The following RFT1 variants were observed in gnomAD, a reference collection of about 807,000 sequenced individuals.
RFT1 encodes the protein man(5)GlcNAc(2)-PP-dolichol translocation protein RFT1.
Under a neutral mutation model 62.2 loss-of-function variants are expected in RFT1, and 43 were observed. The observed-to-expected ratio is 0.69, with a 90% CI of 0.54 to 0.89. The LOEUF is 0.89. RFT1 is among the 40% of genes least tolerant of loss of function. RFT1 has a pLI of 0.00. For missense variants in RFT1, 605 were observed against 649.9 expected (o/e 0.93, Z 0.75); for synonymous variants, 262 against 264.6 (o/e 0.99, Z 0.10).
intron 1 of RFT1, 128 bp downstream of exon 1, chr3:53,130,210 C>A (rs954502064): frequency 1.7e-5 from 16 of 938,348 alleles, no homozygotes; most frequent in South Asian, 1.1e-4. Context: ...TCGACCCCCC[C>A]ACCCCCTCCA....
intron 5 of RFT1, 117 bp downstream of exon 5, chr3:53,121,582 C>G: frequency 2.4e-6 from 2 of 825,212 alleles, no homozygotes; most frequent in South Asian, 2.9e-5. Context: ...TCTGGTGCTT[C>G]CACCTCCTGC....
At chr3:53,121,830 C>G (rs1481849846) in intron 4 of RFT1, 30 bp from the exon 5 acceptor site, 6 of 1,552,124 alleles carry the variant, frequency 3.9e-6, no homozygotes, top group Admixed American at 3.4e-5. Context: ...GTGCAGTTTA[C>G]AAACATCATC....
downstream of RFT1, among the ~76,000 whole-genome samples, chr3:53,086,965 C>T (rs775969878): frequency 5.9e-5 from 9 of 152,114 alleles, no homozygotes; most frequent in East Asian, 3.9e-4. Flanking sequence ...AGGCCAGGCG[C>T]GGTGGCTCAC....
intron 1 of RFT1, among the ~76,000 whole-genome samples, chr3:53,127,610 G>T (rs993037768): frequency 1.3e-5 from 2 of 151,574 alleles, no homozygotes; most frequent in Non-Finnish European, 2.9e-5. Context: ...GCTGAGGCAG[G>T]AGAATGGCGT....
downstream of RFT1, among the ~76,000 whole-genome samples, chr3:53,086,229 A>T (rs1398693749): frequency 6.6e-6 from 1 of 152,222 alleles, no homozygotes; most frequent in Non-Finnish European, 1.5e-5. Flanking sequence ...AATTAAATAC[A>T]CAAGTCTCAG....
intron 11 of RFT1, among the ~76,000 whole-genome samples, chr3:53,098,750 A>G (rs535543003): frequency 7.0e-6 from 1 of 143,680 alleles, no homozygotes; most frequent in Non-Finnish European, 1.5e-5. Context: ...TGCAGTGAGC[A>G]GAGACTGCGC....
chr3:53,092,941 A>G (rs1033074532), intron 11 of RFT1, among the ~76,000 whole-genome samples: 5 of 152,234 alleles, frequency 3.3e-5, no homozygotes, highest in African/African-American at 1.2e-4. Flanking sequence ...CTGGGTAATT[A>G]GACATTGGAT....
At chr3:53,076,092 G>C in the RFT1 span, among the ~76,000 whole-genome samples, 1 of 152,232 alleles carries the variant, frequency 6.6e-6, no homozygotes, top group African/African-American at 2.4e-5. Context: ...CTCAGGGCCT[G>C]AGGCCCCTGC....
chr3:53,102,091 A>AGATGATGACGTGAAGAGCGCAAGGGG (rs1456168619), intron 10 of RFT1, among the ~76,000 whole-genome samples: 1 of 151,788 alleles, frequency 6.6e-6, no homozygotes, highest in Admixed American at 6.6e-5. Flanking sequence ...ACGTGCAGGG[A>AGATGATGACGTGAAGAGCGCAAGGGG]GATGATGACG....
chr3:53,122,567 G>C lies in RFT1; in HGVS notation c.267-4C>G, dbSNP rs1473728720. 11 of 1,561,756 alleles carry C rather than the reference G, an allele frequency of 7.0e-6. No homozygotes were observed. The African/African-American group carries it at 9.5e-5, about 14-fold the overall frequency. ...CCAAAACACACCCAGGGGGACTCTA[G>C]AAGAGGAGAAAAAAATAATTCACTA... On this transcript the variant is annotated splice_region_variant and splice_polypyrimidine_tract_variant and intron_variant, in intron 3 of 12. Transcript: ENST00000296292.
chr3:53,111,731 GA>G, intron 7 of RFT1, 98 bp downstream of exon 7: 1 of 977,962 alleles, frequency 1.0e-6, no homozygotes, highest in South Asian at 1.3e-5. Flanking sequence ...TTCTGCCCCA[GA>G]GGCTCTGGAC....
At chr3:53,109,737 GC>G (rs1162858884) in intron 7 of RFT1, among the ~76,000 whole-genome samples, 4 of 152,072 alleles carry the variant, frequency 2.6e-5, no homozygotes, top group Non-Finnish European at 5.9e-5. Flanking sequence ...GATCACTTGA[GC>G]CCGAGAGGTC....
In RFT1 at chr3:53,088,668, C is replaced by CA. The variant is rs201061318; in HGVS notation, c.*3234dup. The stretch of plus-strand genomic sequence containing the variant: ...AGGCAACAGTGAGATCCAGTCTCTA[C>CA]AAAAAAAAATTAGAAATTAGCTGGG... On this transcript the variant is annotated 3_prime_UTR_variant, in exon 13 of 13. Transcript: ENST00000296292. 29 of 150,266 alleles carry CA rather than the reference C, an allele frequency of 1.9e-4. 1 individual carries two copies. The East Asian group carries it at 2.7e-3, about 14-fold the overall frequency. The allele number at this position is 150,266 out of a possible 1,614,324, so 9.3% of individuals were successfully genotyped here. A position where few individuals can be genotyped will look rare whatever the true frequency, so the allele number is the denominator to read the frequency against.
At chr3:53,085,693 A>G (rs1428213343), downstream of RFT1, 1 of 152,184 alleles carries the variant, frequency 6.6e-6, no homozygotes, top group Non-Finnish European at 1.5e-5. Context: ...TTCCGGGCAC[A>G]CTTACTTTGC....
the RFT1 span, among the ~76,000 whole-genome samples, chr3:53,073,584 T>C: frequency 0.67 from 102,510 of 152,144 alleles, 34,904 homozygotes; most frequent in East Asian, 0.85. Flanking sequence ...GCGCCTCTCT[T>C]CCAGGCCCTG....
intron 10 of RFT1, among the ~76,000 whole-genome samples, chr3:53,100,879 A>G (rs1425624932): frequency 6.6e-6 from 1 of 152,096 alleles, no homozygotes; most frequent in Non-Finnish European, 1.5e-5. Flanking sequence ...TTTTGTACAT[A>G]TTTGTCAAAA....
intron 10 of RFT1, among the ~76,000 whole-genome samples, chr3:53,100,642 A>G (rs987628574): frequency 6.6e-6 from 1 of 152,250 alleles, no homozygotes; most frequent in Non-Finnish European, 1.5e-5. Flanking sequence ...CAAAAACTTT[A>G]TATTGAAGGA....
At chr3:53,108,555 A>C (rs997401732) in intron 7 of RFT1, among the ~76,000 whole-genome samples, 1 of 150,966 alleles carries the variant, frequency 6.6e-6, no homozygotes, top group Non-Finnish European at 1.5e-5. Flanking sequence ...TCCCCAGCTA[A>C]TGTTTTTTTT....
intron 7 of RFT1, among the ~76,000 whole-genome samples, chr3:53,111,133 G>T (rs1184239865): frequency 6.6e-6 from 1 of 152,168 alleles, no homozygotes; most frequent in Non-Finnish European, 1.5e-5. Flanking sequence ...TGATAAAAAG[G>T]CTGGGTGTGG....
Sources: gnomAD v4.1 joint callset for allele counts (sites outside exome capture counted in the v4.1 genomes callset) on GRCh38, gnomAD v4.1.1 for gene constraint, MANE v1.5 for transcripts, NCBI Gene and HGNC (gene_info 2026-07-23, HGNC 2026-07-21) for gene names.